The following PAK4 variants were observed in gnomAD, a reference collection of about 807,000 sequenced individuals.
The protein encoded by PAK4 is serine/threonine-protein kinase PAK 4.
Under a neutral mutation model 53.5 loss-of-function variants are expected in PAK4, and 49 were observed. The ratio of observed to expected loss-of-function variants is 0.92; its 90% confidence interval spans 0.73 to 1.16. The LOEUF is 1.16. Ranked by LOEUF, PAK4 falls within the 50% of genes most tolerant of loss-of-function variation. The probability of loss-of-function intolerance (pLI) is 0.00; values close to 1 mark genes in which losing one functional copy is unlikely to be tolerated. For missense variants in PAK4, 824 were observed against 850.7 expected, an observed-to-expected ratio of 0.97 and a Z score of 0.39; for synonymous variants, 376 against 375.6, an observed-to-expected ratio of 1.00 and a Z score of -0.01.
In PAK4 at chr19:39,162,260, C is replaced by G. The variant is rs550245340; in HGVS notation, c.-22-7272C>G. On this transcript the variant is annotated intron_variant, in intron 1 of 8. Transcript: ENST00000358301. ...ACAGGCATAAGCCACTGCACCCAGC[C>G]TGTTATTCTTATTTTTGAGACAAGG... Among the ~76,000 whole-genome samples the G allele has an allele frequency of 1.4e-4, 22 of 152,086 alleles. No homozygotes were observed. The East Asian group carries it at 4.1e-3, about 28-fold the overall frequency.
intron 6 of PAK4, chr19:39,176,366 A>G: frequency 1.7e-6 from 1 of 584,424 alleles, no homozygotes; most frequent in Non-Finnish European, 3.1e-6. Context: ...CAGGGAGGGA[A>G]ATGGGGGGAT....
At chr19:39,144,833 A>G (rs2073973891) in intron 1 of PAK4, among the ~76,000 whole-genome samples, 1 of 152,142 alleles carries the variant, frequency 6.6e-6, no homozygotes, top group South Asian at 2.1e-4. Context: ...TAAAGAAATG[A>G]GGAGAGACTG....
At chr19:39,136,471 C>T (rs12611376) in intron 1 of PAK4, 35,841 of 152,054 alleles carry the variant, frequency 0.24, 4,514 homozygotes, top group East Asian at 0.39. Flanking sequence ...ACCCTCCTTC[C>T]TTCTGTTCAG....
intron 1 of PAK4, among the ~76,000 whole-genome samples, chr19:39,144,325 T>C (rs956920341): frequency 5.3e-5 from 8 of 152,316 alleles, no homozygotes; most frequent in South Asian, 4.1e-4. Flanking sequence ...ACACACCGTG[T>C]GAACGGCACC....
intron 1 of PAK4, among the ~76,000 whole-genome samples, chr19:39,130,519 C>T (rs1221555276): frequency 1.3e-5 from 2 of 151,982 alleles, no homozygotes; most frequent in Admixed American, 6.5e-5. Flanking sequence ...GTCATGGGTA[C>T]GGAAGTGCCA....
At chr19:39,139,056 C>T (rs2073867557) in intron 1 of PAK4, among the ~76,000 whole-genome samples, 1 of 152,222 alleles carries the variant, frequency 6.6e-6, no homozygotes, top group African/African-American at 2.4e-5. Flanking sequence ...CCCCACAGCC[C>T]ATGGCTGGCT....
chr19:39,177,745 C>T, exon 8 of PAK4: 1 of 1,613,660 alleles, frequency 6.2e-7, no homozygotes, highest in Non-Finnish European at 8.5e-7. Flanking sequence ...TTCAACGAGC[C>T]ACCCCTCAAA....
chr19:39,166,948 G>C (rs916205395), intron 1 of PAK4, among the ~76,000 whole-genome samples: 1 of 152,254 alleles, frequency 6.6e-6, no homozygotes, highest in African/African-American at 2.4e-5. Flanking sequence ...GAGGGAAGGG[G>C]TGGCCCCAGG....
chr19:39,173,474 G>C lies in PAK4; in HGVS notation c.663+98G>C. 1 of 1,333,634 alleles carries C rather than the reference G, an allele frequency of 7.5e-7. No individual in the cohort carries two copies. The highest frequency in any genetic ancestry group is 1.5e-5 in the South Asian group (1 of 68,692). The allele number at this position is 1,333,634 out of a possible 1,614,324, so 82.6% of individuals were successfully genotyped here. The stretch of plus-strand genomic sequence containing the variant: ...GCCCCACCACCGTGCATCTCATCCT[G>C]ACCACCCATGTGTCTGTCCCATCGC... On this transcript the variant is annotated intron_variant, in intron 3 of 8. Coordinates refer to ENST00000358301, the Ensembl canonical transcript of PAK4. The surrounding 1 kb of genome is among the most constrained non-coding windows in gnomAD (Gnocchi z 6.9).
At chr19:39,128,106 C>CACCCCTCT (rs1311270427) in intron 1 of PAK4, among the ~76,000 whole-genome samples, 1 of 152,172 alleles carries the variant, frequency 6.6e-6, no homozygotes, top group African/African-American at 2.4e-5. Flanking sequence ...GCCTGGTACA[C>CACCCCTCT]ACCCCTCTCC....
intron 1 of PAK4, among the ~76,000 whole-genome samples, chr19:39,144,051 A>T (rs1205269735): frequency 2.0e-5 from 3 of 151,634 alleles, no homozygotes; most frequent in Admixed American, 6.6e-5. Context: ...CTATGATGAT[A>T]GATAGATAGA....
intron 1 of PAK4, among the ~76,000 whole-genome samples, chr19:39,153,467 A>T (rs190693789): frequency 7.9e-4 from 120 of 152,182 alleles, no homozygotes; most frequent in African/African-American, 2.8e-3. Flanking sequence ...TTTGAAACAG[A>T]GTCTCACTCT....
chr19:39,173,929 C>G lies in PAK4; in HGVS notation c.1017C>G (p.Thr339=). The stretch of plus-strand genomic sequence containing the variant: ...CCACGGGCATCGTGTGCATCGCCAC[C>G]GTGCGCAGCTCGGGCAAGCTGGTGG... Residue 339 remains threonine, a synonymous_variant, in exon 4 of 9, where the codon ACC becomes ACG. Transcript: ENST00000358301. This position sits in a 1 kb window ranked among gnomAD's most constrained non-coding sequence, Gnocchi z 6.9. 1 of 1,611,578 alleles carries G rather than the reference C, an allele frequency of 6.2e-7. No homozygotes were observed.
Position 39,175,575 on chromosome 19 carries a change from T to A in PAK4, c.1359+137T>A. 1 of 953,582 alleles carries A rather than the reference T, an allele frequency of 1.0e-6. No individual in the cohort carries two copies. Among genetic ancestry groups the A allele is most frequent in the Non-Finnish European group, 1.5e-6 (1 of 645,814 alleles). The allele number at this position is 953,582 out of a possible 1,614,324, so 59.1% of individuals were successfully genotyped here. On this transcript the variant is annotated intron_variant, in intron 6 of 8. Coordinates refer to ENST00000358301, the Ensembl canonical transcript of PAK4. The surrounding 1 kb of genome is among the most constrained non-coding windows in gnomAD (Gnocchi z 4.7). ...CTTGAGGAGCTGGGAACTTCGTCCC[T>A]CCCTGGTGGAGCAGCCCAGAGTCAG...
At chr19:39,143,667 G>T (rs992558176) in intron 1 of PAK4, among the ~76,000 whole-genome samples, 1 of 146,430 alleles carries the variant, frequency 6.8e-6, no homozygotes, top group South Asian at 2.2e-4. Context: ...AAAATGACTG[G>T]GCACAGTGGC....
At chr19:39,159,807 C>T (rs1032710451) in intron 1 of PAK4, among the ~76,000 whole-genome samples, 2 of 152,190 alleles carry the variant, frequency 1.3e-5, no homozygotes, top group Admixed American at 6.5e-5. Flanking sequence ...GCGGGGACGG[C>T]GCTATACCTG....
intron 1 of PAK4, among the ~76,000 whole-genome samples, chr19:39,148,991 C>T (rs2074051875): frequency 6.6e-6 from 1 of 152,094 alleles, no homozygotes; most frequent in Non-Finnish European, 1.5e-5. Context: ...TACATCACAC[C>T]TACTAGGATG....
At chr19:39,138,286 C>T (rs1309442607) in intron 1 of PAK4, among the ~76,000 whole-genome samples, 1 of 152,062 alleles carries the variant, frequency 6.6e-6, no homozygotes. Flanking sequence ...CTCCTGAGCT[C>T]AAGCCAGCTG....
intron 1 of PAK4, among the ~76,000 whole-genome samples, chr19:39,141,879 G>A (rs1487803265): frequency 3.3e-5 from 5 of 151,986 alleles, no homozygotes; most frequent in Non-Finnish European, 5.9e-5. Context: ...CACCCGCCTC[G>A]GCCTCCCAAA....
Sources: allele counts gnomAD v4.1 joint callset (sites outside exome capture counted in the v4.1 genomes callset), GRCh38; gene constraint gnomAD v4.1.1; non-coding constraint Gnocchi (gnomAD v3.1); transcripts MANE v1.5; gene names NCBI Gene and HGNC (gene_info 2026-07-23, HGNC 2026-07-21).